Variants in ESD observed in about 807,000 individuals in gnomAD.
ESD encodes esterase D.
ESD carries 34 observed loss-of-function variants against 38.1 expected under a neutral mutation model. That is an observed-to-expected ratio of 0.89 (90% confidence interval 0.68 to 1.19). ESD has a LOEUF of 1.19. Among genes scored for constraint, ESD ranks in the 50% most tolerant of loss-of-function variants. The pLI is 0.00. For synonymous variants in ESD, 97 were observed against 107.0 expected, an observed-to-expected ratio of 0.91 and a Z score of 0.58; for missense variants, 334 against 327.2, an observed-to-expected ratio of 1.02 and a Z score of -0.16.
intron 4 of ESD, among the ~76,000 whole-genome samples, chr13:46,784,749 A>G (rs1398061458): frequency 6.6e-6 from 1 of 151,940 alleles, no homozygotes; most frequent in Non-Finnish European, 1.5e-5. Flanking sequence ...AAAATTTGTA[A>G]TAGTATTAAC....
chr13:46,777,607 T>C lies in ESD; in HGVS notation c.617A>G (p.His206Arg), dbSNP rs754090039. Residue 206 changes from histidine (H) to arginine (R), a missense_variant, in exon 9 of 10, where the codon CAC becomes CGC. His to Arg is a conservative substitution (Grantham distance 29). Transcript: ENST00000378720. ...QSKWKAYDAT[H>R]LVKSYPGSQL... ...AGATCCTGGATAGGATTTCACAAGG[T>C]GGGTAGCATCATAAGCCTGTAAAAA... 2.5e-6 allele frequency: 4 copies of C among 1,605,716 alleles called. No individual in the cohort carries two copies. The highest frequency in any genetic ancestry group is 3.4e-6 in the Non-Finnish European group (4 of 1,175,888).
intron 6 of ESD, 119 bp downstream of exon 6, chr13:46,782,548 G>C: frequency 9.2e-7 from 1 of 1,090,422 alleles, no homozygotes. Context: ...GCAAACTTTG[G>C]AATTTTTACT....
At chr13:46,788,058 C>A (rs1170435314) in intron 3 of ESD, among the ~76,000 whole-genome samples, 1 of 151,986 alleles carries the variant, frequency 6.6e-6, no homozygotes, top group Admixed American at 6.6e-5. Context: ...ACTATCGTAT[C>A]ACATATAATT....
intron 2 of ESD, among the ~76,000 whole-genome samples, chr13:46,793,106 G>A (rs1034692460): frequency 1.3e-5 from 2 of 151,936 alleles, no homozygotes; most frequent in Non-Finnish European, 2.9e-5. Context: ...AAAGTTGGTA[G>A]AATATTTTTT....
chr13:46,794,010 T>C (rs1228896680), intron 1 of ESD, among the ~76,000 whole-genome samples: 1 of 152,164 alleles, frequency 6.6e-6, no homozygotes, highest in East Asian at 1.9e-4. Flanking sequence ...TTACATAGTA[T>C]ATATCATGTC....
chr13:46,790,155 T>A (rs920345139), intron 3 of ESD, among the ~76,000 whole-genome samples: 2 of 152,018 alleles, frequency 1.3e-5, no homozygotes, highest in African/African-American at 4.8e-5. Flanking sequence ...TACTTGAATA[T>A]TTTTTAATAG....
intron 4 of ESD, among the ~76,000 whole-genome samples, chr13:46,785,386 C>A (rs1399677196): frequency 6.6e-6 from 1 of 151,960 alleles, no homozygotes; most frequent in Admixed American, 6.6e-5. Flanking sequence ...TCTGTATGGA[C>A]ATGTTTTCAA....
At position 46,782,530 on chromosome 13, in the gene ESD, T is replaced by C. The variant is rs768457178; in HGVS notation, c.381+137A>G. ...ATTTAAATTGCAGTAAATAGAACTA[T>C]AGTACTAGCAAACTTTGGAATTTTT... On this transcript the variant is annotated intron_variant, in intron 6 of 9. Transcript: ENST00000378720. The C allele has an allele frequency of 8.3e-4, 634 of 762,702 alleles. 1 individual carries two copies. Among genetic ancestry groups the C allele is most frequent in the Non-Finnish European group, 1.2e-3 (572 of 476,420 alleles). The allele number at this position is 762,702 out of a possible 1,614,324, so 47.2% of individuals were successfully genotyped here.
intron 1 of ESD, among the ~76,000 whole-genome samples, chr13:46,796,500 C>T (rs543061059): frequency 2.1e-4 from 32 of 152,346 alleles, no homozygotes; most frequent in African/African-American, 7.7e-4. Context: ...TCCCATTTCC[C>T]TAATGACCCC....
rs1484349071 is a variant in ESD, at chr13:46,781,495, CTTTGTA to C, written c.496_501del (p.Tyr166_Lys167del). The C allele has an allele frequency of 6.3e-7, 1 of 1,590,870 alleles. No individual in the cohort carries two copies. Among genetic ancestry groups the C allele is most frequent in the African/African-American group, 1.4e-5 (1 of 73,508 alleles). On this transcript the variant is annotated inframe_deletion and splice_region_variant, in exon 7 of 10. Coordinates refer to ENST00000378720, the MANE Select transcript of ESD (RefSeq NM_001984.2). ...ATCACTAGAAGTTTAGATAATCTTA[CTTTGTA>C]TTTTCCAGGATTTTTCAAAGCACAG...
intron 8 of ESD, 126 bp downstream of exon 8, chr13:46,779,809 T>A: frequency 3.2e-6 from 1 of 316,660 alleles, no homozygotes; most frequent in Non-Finnish European, 5.9e-6. Flanking sequence ...TATATATATA[T>A]CTTTTGCTAA....
Position 46,784,364 on chromosome 13 carries a change from AT to A in ESD, c.158-15del. 6.4e-7 allele frequency: 1 copy of A among 1,561,732 alleles called. No homozygotes were observed. ...TGCAAGTTAAACCTGAAGATAAAAAATATTGTTATTGGGCACACATGGACAT... is the reference window on the plus strand; with the variant it reads ...TGCAAGTTAAACCTGAAGATAAAAAAATTGTTATTGGGCACACATGGACAT... On this transcript the variant is annotated splice_polypyrimidine_tract_variant and intron_variant, in intron 4 of 9. Transcript: ENST00000378720.
Position 46,771,323 on chromosome 13 carries a change from C to T in ESD, c.*93G>A, listed in dbSNP as rs1355520548. The T allele has an allele frequency of 3.7e-6, 3 of 800,022 alleles. No homozygotes were observed. In the East Asian group the frequency reaches 7.7e-5, roughly 20 times the overall value. The allele number at this position is 800,022 out of a possible 1,614,324, so 49.6% of individuals were successfully genotyped here. ...AAAGCCCTTTTAGCACTATAAAATC[C>T]AATGTTTTGAATTTTTTTTTTTTTT... On this transcript the variant is annotated 3_prime_UTR_variant, in exon 10 of 10. Transcript: ENST00000378720.
chr13:46,794,305 C>T (rs1875502451), intron 1 of ESD, among the ~76,000 whole-genome samples: 1 of 152,084 alleles, frequency 6.6e-6, no homozygotes, highest in African/African-American at 2.4e-5. Flanking sequence ...CATCCATTCC[C>T]CTAAAGGTCA....
Position 46,782,741 on chromosome 13 carries a change from CA to C in ESD, c.306del (p.Ala103LeufsTer30). On this transcript the variant is annotated frameshift_variant, in exon 6 of 10. Transcript: ENST00000378720. LOFTEE classifies it high-confidence loss of function. ...GEDESWDFGTGAGFYVDATED... is the reference protein window; with the variant it reads ...GEDESWDFGTXAGFYVDATED... ...TCAGTGGCATCAACATAAAATCCAGCACCAGTGCCAAAGTCCCAGCTCTCAT... is the reference window on the plus strand; with the variant it reads ...TCAGTGGCATCAACATAAAATCCAGCCCAGTGCCAAAGTCCCAGCTCTCAT... 6.2e-7 allele frequency: 1 copy of C among 1,612,400 alleles called. No homozygotes were observed. The highest frequency in any genetic ancestry group is 1.3e-5 in the African/African-American group (1 of 74,912).
chr13:46,793,605 T>C (rs768037352), intron 1 of ESD, among the ~76,000 whole-genome samples, 161 bp from the exon 2 acceptor site: 8 of 152,226 alleles, frequency 5.3e-5, no homozygotes, highest in Non-Finnish European at 7.3e-5. Context: ...TTAATTACCT[T>C]AATTGCCCAT....
Position 46,777,492 on chromosome 13 carries a change from T to C in ESD, c.732A>G (p.Thr244=), listed in dbSNP as rs1452634423. ...LLPDNFIAAC[T]EKKIPVVFRL... Reference sequence around the variant, plus strand: ...GAAAAACAACGGGGATTTTCTTTTCTGTACAGGCAGCTATGAAGTTATCAG... The same window carrying C: ...GAAAAACAACGGGGATTTTCTTTTCCGTACAGGCAGCTATGAAGTTATCAG... Residue 244 remains threonine, a synonymous_variant, in exon 9 of 10, where the codon ACA becomes ACG. Transcript: ENST00000378720. 5.6e-6 allele frequency: 9 copies of C among 1,607,642 alleles called. No homozygotes were observed. Among genetic ancestry groups the C allele is most frequent in the South Asian group, 1.1e-5 (1 of 90,016 alleles).
At chr13:46,788,937 GA>G (rs1469864378) in intron 3 of ESD, among the ~76,000 whole-genome samples, 3 of 152,036 alleles carry the variant, frequency 2.0e-5, no homozygotes, top group Admixed American at 6.6e-5. Context: ...CTGCCGAACA[GA>G]ACTTTCTACA....
intron 1 of ESD, among the ~76,000 whole-genome samples, chr13:46,795,860 T>TC (rs1875555851): frequency 6.6e-6 from 1 of 151,524 alleles, no homozygotes; most frequent in Non-Finnish European, 1.5e-5. Flanking sequence ...GCTCAGGTGA[T>TC]CCTCCCGCCT....
Sources: allele counts gnomAD v4.1 joint callset (sites outside exome capture counted in the v4.1 genomes callset), GRCh38; gene constraint gnomAD v4.1.1; transcripts MANE v1.5; gene names NCBI Gene and HGNC (gene_info 2026-07-23, HGNC 2026-07-21).